CYSLTR1: variants seen among roughly 807,000 people sequenced by gnomAD.
CYSLTR1 encodes cysteinyl leukotriene receptor 1.
In CYSLTR1, 1 loss-of-function variant was observed where a neutral mutation model predicts 2.1. The ratio of observed to expected loss-of-function variants is 0.48; its 90% CI spans 0.17 to 2.28. CYSLTR1 has a LOEUF of 2.28. CYSLTR1 is among the 30% of genes most tolerant of loss of function. The probability of loss-of-function intolerance (pLI) is 0.26; values close to 1 mark genes in which losing one functional copy is unlikely to be tolerated. For missense variants in CYSLTR1, 299 were observed against 250.1 expected, an observed-to-expected ratio of 1.20 and a Z score of -1.32; for synonymous variants, 110 against 89.6, an observed-to-expected ratio of 1.23 and a Z score of -1.28.
At chrX:78,322,028 G>T (rs1012828418) in intron 1 of CYSLTR1, among the ~76,000 whole-genome samples, 1 of 111,370 alleles carries the variant, frequency 9.0e-6, no homozygotes, top group Non-Finnish European at 1.9e-5. Context: ...AAGAGGAAGT[G>T]GGGAGGCTGG....
rs753195987 is a variant in CYSLTR1 at position 78,323,684 on chromosome X, T to C, written c.-115+3621A>G. Among the ~76,000 whole-genome samples, 4 of 111,621 alleles carry C rather than the reference T, an allele frequency of 3.6e-5. No individual in the cohort carries two copies. The South Asian group carries it at 1.1e-3, about 31-fold the overall frequency. On this transcript the variant is annotated intron_variant, in intron 1 of 2. Coordinates refer to ENST00000373304, the MANE Select transcript of CYSLTR1 (RefSeq NM_006639.4). Reference sequence around the variant, plus strand: ...CTTGAAATGCTATTCAAAACTGGATTTTTCTTTCCCTTTTAGGGAAAAGGG... The same window carrying C: ...CTTGAAATGCTATTCAAAACTGGATCTTTCTTTCCCTTTTAGGGAAAAGGG...
At chrX:78,304,266 A>G (rs1922941367) in intron 1 of CYSLTR1, among the ~76,000 whole-genome samples, 2 of 112,020 alleles carry the variant, frequency 1.8e-5, no homozygotes, top group African/African-American at 3.2e-5. Context: ...AAGTTATGCC[A>G]TCTCTGGTTC....
intron 2 of CYSLTR1, among the ~76,000 whole-genome samples, chrX:78,283,185 C>A (rs1193648637): frequency 9.0e-6 from 1 of 111,470 alleles, no homozygotes; most frequent in Non-Finnish European, 1.9e-5. Context: ...CAGAGAGTTT[C>A]TTTGGAAATA....
intron 1 of CYSLTR1, among the ~76,000 whole-genome samples, chrX:78,327,066 G>A (rs1923885263): frequency 9.0e-6 from 1 of 111,641 alleles, no homozygotes; most frequent in Non-Finnish European, 1.9e-5. Context: ...TGTCTCCTCT[G>A]TATTTTGCCA....
intron 1 of CYSLTR1, among the ~76,000 whole-genome samples, chrX:78,313,815 A>G (rs1382157625): frequency 8.9e-6 from 1 of 112,167 alleles, no homozygotes; most frequent in African/African-American, 3.2e-5. Flanking sequence ...GGTTGTTCAC[A>G]TGGAAGATGA....
chrX:78,309,137 G>C (rs1923132376), intron 1 of CYSLTR1, among the ~76,000 whole-genome samples: 1 of 111,411 alleles, frequency 9.0e-6, no homozygotes, highest in Non-Finnish European at 1.9e-5. Context: ...GTCAAGAAAT[G>C]TACTGTTTAG....
intron 1 of CYSLTR1, among the ~76,000 whole-genome samples, chrX:78,293,677 C>A (rs1986957535): frequency 9.0e-6 from 1 of 111,507 alleles, no homozygotes; most frequent in Non-Finnish European, 1.9e-5. Flanking sequence ...TTATTCATTT[C>A]TTTTTACCCT....
Position 78,293,551 on chromosome X carries a change from T to C in CYSLTR1, c.-114-10011A>G, listed in dbSNP as rs1023049735. Among the ~76,000 whole-genome samples the C allele has an allele frequency of 8.0e-5, 9 of 112,084 alleles. No individual in the cohort carries two copies. In the Admixed American group the frequency reaches 8.5e-4, roughly 11 times the overall value. Reference sequence around the variant, plus strand: ...CCTTGCTAGGTTGGGGAAGTTCTCTTGGATAATACCCCGAAGAGTGTTTTC... The same window carrying C: ...CCTTGCTAGGTTGGGGAAGTTCTCTCGGATAATACCCCGAAGAGTGTTTTC... On this transcript the variant is annotated intron_variant, in intron 1 of 2. Transcript: ENST00000373304.
At position 78,276,943 on chromosome X, in the gene CYSLTR1, C is replaced by T. The variant is rs974979189; in HGVS notation, c.-27-3170G>A. On this transcript the variant is annotated intron_variant, in intron 2 of 2. Coordinates refer to ENST00000373304, the MANE Select transcript of CYSLTR1 (RefSeq NM_006639.4). ...CTGGGGAAGAGATGAGTGAAATAGG[C>T]ATGGAGTGCCCCAAGGACATTTGGG... Among the ~76,000 whole-genome samples the T allele has an allele frequency of 3.6e-5, 4 of 110,952 alleles. No individual in the cohort carries two copies. In the Admixed American group the frequency reaches 3.9e-4, roughly 11 times the overall value.
In CYSLTR1 at chrX:78,273,773, C is replaced by A; in HGVS notation, c.-27G>T. On this transcript the variant is annotated splice_region_variant and 5_prime_UTR_variant, in exon 3 of 3. Transcript: ENST00000373304. Reference sequence around the variant, plus strand: ...TTTCTCTACGAATGTCTGCTTTGTGCCTATAATAAATAAAAAAAATTGTCA... The same window carrying A: ...TTTCTCTACGAATGTCTGCTTTGTGACTATAATAAATAAAAAAAATTGTCA... 8.7e-7 allele frequency: 1 copy of A among 1,149,407 alleles called. No individual in the cohort carries two copies. The highest frequency in any genetic ancestry group is 1.2e-6 in the Non-Finnish European group (1 of 866,280). The allele number at this position is 1,149,407 out of a possible 1,213,427, so 94.7% of individuals were successfully genotyped here. A position where few individuals can be genotyped will look rare whatever the true frequency, so the allele number is the denominator to read the frequency against.
intron 1 of CYSLTR1, among the ~76,000 whole-genome samples, chrX:78,301,926 C>T (rs1292378151): frequency 2.7e-5 from 3 of 112,256 alleles, no homozygotes; most frequent in Non-Finnish European, 5.6e-5. Context: ...AAAAGCCACA[C>T]CTTACATGGT....
In CYSLTR1 at chrX:78,275,328, C is replaced by T. The variant is rs1262221017; in HGVS notation, c.-27-1555G>A. Among the ~76,000 whole-genome samples, 3 of 111,827 alleles carry T rather than the reference C, an allele frequency of 2.7e-5. No homozygotes were observed. The East Asian group carries it at 8.4e-4, about 31-fold the overall frequency. ...ACAATAGCAAAGACTTGGAACCAAACCAAATGTCCAACAATGATAGACTGG... is the reference window on the plus strand; with the variant it reads ...ACAATAGCAAAGACTTGGAACCAAATCAAATGTCCAACAATGATAGACTGG... On this transcript the variant is annotated intron_variant, in intron 2 of 2. Coordinates refer to ENST00000373304, the MANE Select transcript of CYSLTR1 (RefSeq NM_006639.4).
intron 1 of CYSLTR1, among the ~76,000 whole-genome samples, chrX:78,291,424 C>CT (rs894521602): frequency 1.7e-4 from 18 of 108,957 alleles, no homozygotes; most frequent in African/African-American, 4.3e-4. Context: ...ATCTTTTTTT[C>CT]TTTTTTTTTG....
intron 1 of CYSLTR1, among the ~76,000 whole-genome samples, chrX:78,292,144 G>A (rs1922365014): frequency 8.9e-6 from 1 of 111,810 alleles, no homozygotes; most frequent in Non-Finnish European, 1.9e-5. Flanking sequence ...CTTTAAATGT[G>A]TCCCAGAGAT....
chrX:78,276,672 G>T (rs1177975874), intron 2 of CYSLTR1, among the ~76,000 whole-genome samples: 1 of 110,210 alleles, frequency 9.1e-6, no homozygotes, highest in East Asian at 2.8e-4. Context: ...AAGAACTTTT[G>T]GCATAAGATA....
intron 1 of CYSLTR1, chrX:78,319,608 A>C (rs1923560327): frequency 9.0e-6 from 1 of 111,327 alleles, no homozygotes; most frequent in African/African-American, 3.3e-5. Context: ...AGCATGATTT[A>C]TAATCCTTTG....
chrX:78,310,034 T>C (rs1923161581), intron 1 of CYSLTR1, among the ~76,000 whole-genome samples: 1 of 112,218 alleles, frequency 8.9e-6, no homozygotes, highest in South Asian at 3.6e-4. Context: ...GTTTGCTGAA[T>C]TTAAAATTTA....
chrX:78,294,752 T>C (rs1217159518), intron 1 of CYSLTR1, among the ~76,000 whole-genome samples: 1 of 112,786 alleles, frequency 8.9e-6, no homozygotes, highest in Non-Finnish European at 1.9e-5. Context: ...GTGCTGATAG[T>C]GAGCAAGGCT....
intron 2 of CYSLTR1, among the ~76,000 whole-genome samples, chrX:78,282,371 A>T (rs950429423): frequency 8.9e-6 from 1 of 112,424 alleles, no homozygotes; most frequent in African/African-American, 3.2e-5. Flanking sequence ...GGCCTAGCAC[A>T]TATGTATCTT....
Sources: allele counts gnomAD v4.1 joint callset (sites outside exome capture counted in the v4.1 genomes callset), GRCh38; gene constraint gnomAD v4.1.1; transcripts MANE v1.5; gene names NCBI Gene and HGNC (gene_info 2026-07-23, HGNC 2026-07-21).